Variants in CCDC180 observed in about 807,000 individuals in gnomAD.
CCDC180 encodes coiled-coil domain-containing protein 180.
In CCDC180, 154 loss-of-function variants were observed where a neutral mutation model predicts 209.2. The ratio of observed to expected loss-of-function variants is 0.74; its 90% confidence interval spans 0.65 to 0.84. The LOEUF (loss-of-function observed/expected upper bound fraction) is 0.84. CCDC180 is among the 40% of genes least tolerant of loss of function. CCDC180 has a pLI of 0.00. For synonymous variants in CCDC180, 778 were observed against 749.1 expected, an observed-to-expected ratio of 1.04 and a Z score of -0.63; for missense variants, 1,874 against 1,997.3, an observed-to-expected ratio of 0.94 and a Z score of 1.18.
In CCDC180 at chr9:97,377,140, G is replaced by T; in HGVS notation, c.*246G>T. On this transcript the variant is annotated 3_prime_UTR_variant, in exon 37 of 37. Transcript: ENST00000529487. ...TGGTTAGCAGGGAGGGTGAGTACCA[G>T]GAATCAGTCACTTCAAATAGGCACC... The T allele has an allele frequency of 3.1e-6, 1 of 317,816 alleles. No individual in the cohort carries two copies. 19.7% of individuals were successfully genotyped at this position (317,816 alleles called of 1,614,324 possible). A position where few individuals can be genotyped will look rare whatever the true frequency, so the allele number is the denominator to read the frequency against.
At chr9:97,313,176 G>A in intron 4 of CCDC180, 60 bp from the exon 5 acceptor site, 1 of 1,113,526 alleles carries the variant, frequency 9.0e-7, no homozygotes, top group Admixed American at 1.7e-5. Context: ...CTGTCTGCCT[G>A]TGCTGCCTTT....
In CCDC180 at chr9:97,354,720, C is replaced by T. The variant is rs1474367776; in HGVS notation, c.3147+7C>T. ...GAATGAGTACCTGGACCAGGTAGGG[C>T]CCCCAGCCAGGCCCCAGGCCAACCG... On this transcript the variant is annotated splice_region_variant and intron_variant, in intron 23 of 36. Coordinates refer to ENST00000529487, the MANE Select transcript of CCDC180 (RefSeq NM_020893.6). 1 of 1,613,992 alleles carries T rather than the reference C, an allele frequency of 6.2e-7. No homozygotes were observed. Among genetic ancestry groups the T allele is most frequent in the Middle Eastern group, 1.6e-4 (1 of 6,062 alleles).
chr9:97,370,860 C>T, intron 33 of CCDC180, 82 bp downstream of exon 33: 1 of 1,465,502 alleles, frequency 6.8e-7, no homozygotes, highest in Non-Finnish European at 9.2e-7. Flanking sequence ...CCAGGTGCAG[C>T]CCTTTCTTGG....
chr9:97,326,533 T>G, intron 14 of CCDC180, 21 bp from the exon 15 acceptor site: 1 of 1,440,196 alleles, frequency 6.9e-7, no homozygotes, highest in Non-Finnish European at 9.8e-7. Context: ...TGCTTCCTCT[T>G]GTTTTGGGGG....
At chr9:97,317,633 C>G (rs1476326937) in intron 9 of CCDC180, among the ~76,000 whole-genome samples, 1 of 152,198 alleles carries the variant, frequency 6.6e-6, no homozygotes, top group Non-Finnish European at 1.5e-5. Flanking sequence ...GGACATCCTT[C>G]AGGCAAACAC....
chr9:97,350,379 A>G (rs1826389782), intron 21 of CCDC180, 30 bp from the exon 22 acceptor site: 4 of 1,531,490 alleles, frequency 2.6e-6, no homozygotes, highest in South Asian at 2.4e-5. Context: ...GTCCCCCATC[A>G]CTGTCCTGTT....
chr9:97,324,049 C>T lies in CCDC180; in HGVS notation c.1371+146C>T, dbSNP rs1238203140. ...CTTGTCAGCCCCTCTCAGAGTAGCC[C>T]CCTTACGCTGGCCACTCCAAGCTCA... On this transcript the variant is annotated intron_variant, in intron 13 of 36. Coordinates refer to ENST00000529487, the MANE Select transcript of CCDC180 (RefSeq NM_020893.6). 1.1e-5 allele frequency: 11 copies of T among 958,494 alleles called. No homozygotes were observed. In the South Asian group the frequency reaches 1.7e-4, roughly 15 times the overall value. 59.4% of individuals were successfully genotyped at this position (958,494 alleles called of 1,614,324 possible).
Position 97,314,674 on chromosome 9 carries a change from G to T in CCDC180, c.645G>T (p.Glu215Asp). 1 of 1,614,074 alleles carries T rather than the reference G, an allele frequency of 6.2e-7. No homozygotes were observed. The highest frequency in any genetic ancestry group is 1.1e-5 in the South Asian group (1 of 91,082). ...VAGRLLLRKQ[E>D]IKELDEALHS... ...GGCGGTTACTGCTCCGGAAGCAGGA[G>T]ATTAAGGAGCTGGATGAGGCCCTGC... The change falls in exon 7 of 37, where the codon GAG becomes GAT. Residue 215 changes from glutamate to aspartate, a missense_variant. Physicochemically the swap from Glu to Asp is conservative, Grantham distance 45 (BLOSUM62 2). Coordinates refer to ENST00000529487, the MANE Select transcript of CCDC180 (RefSeq NM_020893.6).
chr9:97,346,104 C>G (rs1034704331), intron 19 of CCDC180, among the ~76,000 whole-genome samples: 7 of 152,098 alleles, frequency 4.6e-5, no homozygotes, highest in African/African-American at 1.7e-4. Context: ...CCAGTTGATC[C>G]TGGGTCACTT....
At position 97,343,406 on chromosome 9, in the gene CCDC180, A is replaced by G. The variant is rs763954621; in HGVS notation, c.2341A>G (p.Ser781Gly). 7.4e-6 allele frequency: 12 copies of G among 1,614,028 alleles called. No individual in the cohort carries two copies. Among genetic ancestry groups the G allele is most frequent in the Non-Finnish European group, 1.0e-5 (12 of 1,179,862 alleles). ...GGACATGGAGTCCTTCACAATCTCC[A>G]GTGGAAACACTTATTTTGTCTTTGT... ...YEDMESFTIS[S>G]GNTYFVFVPL... The change falls in exon 19 of 37, where the codon AGT becomes GGT. Residue 781 changes from serine (S) to glycine (G), a missense_variant. Coordinates refer to ENST00000529487, the MANE Select transcript of CCDC180 (RefSeq NM_020893.6).
intron 26 of CCDC180, among the ~76,000 whole-genome samples, chr9:97,360,863 A>G (rs1239490107): frequency 6.6e-6 from 1 of 152,166 alleles, no homozygotes; most frequent in Non-Finnish European, 1.5e-5. Context: ...TTGGGCTGAG[A>G]TGCTCAGCCA....
At chr9:97,357,977 C>G in intron 25 of CCDC180, 3 of 368,496 alleles carry the variant, frequency 8.1e-6, no homozygotes, top group Non-Finnish European at 9.7e-6. Flanking sequence ...TGGGGGAGGC[C>G]TGAGTCTGGC....
At chr9:97,314,155 C>T (rs1018023740) in intron 5 of CCDC180, among the ~76,000 whole-genome samples, 5 of 152,156 alleles carry the variant, frequency 3.3e-5, no homozygotes, top group South Asian at 2.1e-4. Flanking sequence ...AGGCTAGGCC[C>T]GATGTCAGCA....
intron 18 of CCDC180, among the ~76,000 whole-genome samples, chr9:97,331,910 C>G (rs1478094183): frequency 6.6e-6 from 1 of 152,168 alleles, no homozygotes; most frequent in South Asian, 2.1e-4. Flanking sequence ...TAATTAGGTC[C>G]ATTTGTCAAT....
intron 11 of CCDC180, among the ~76,000 whole-genome samples, chr9:97,322,328 A>G (rs963917940): frequency 6.6e-6 from 1 of 152,202 alleles, no homozygotes; most frequent in African/African-American, 2.4e-5. Flanking sequence ...CAGTTTCTAG[A>G]AATTGCCAGC....
chr9:97,330,766 A>G lies in CCDC180; in HGVS notation c.2273A>G (p.Glu758Gly). 6.3e-7 allele frequency: 1 copy of G among 1,593,660 alleles called. No homozygotes were observed. The highest frequency in any genetic ancestry group is 8.5e-7 in the Non-Finnish European group (1 of 1,176,684). The change falls in exon 18 of 37, where the codon GAG becomes GGG. Residue 758 changes from glutamate (E) to glycine (G), a missense_variant and splice_region_variant. Transcript: ENST00000529487. ...GAGCAAGAGAGTTTATCTGTGGGTG[A>G]GGTAAGCCAGCAACTGATTCATTCT... ...QEEQESLSVGEEEDKEEGLEE... is the reference protein window; with the variant it reads ...QEEQESLSVGGEEDKEEGLEE...
chr9:97,377,535 G>A lies in CCDC180; in HGVS notation c.*641G>A, dbSNP rs1253499020. Reference sequence around the variant, plus strand: ...AGCCTTCATTTGTCGGTAGCTGTGTGTGTCATCTGGACAGGTTTCCTCAGC... The same window carrying A: ...AGCCTTCATTTGTCGGTAGCTGTGTATGTCATCTGGACAGGTTTCCTCAGC... On this transcript the variant is annotated 3_prime_UTR_variant, in exon 37 of 37. Transcript: ENST00000529487. The A allele has an allele frequency of 6.6e-6, 1 of 152,228 alleles. No homozygotes were observed. Among genetic ancestry groups the A allele is most frequent in the African/African-American group, 2.4e-5 (1 of 41,434 alleles). 9.4% of individuals were successfully genotyped at this position (152,228 alleles called of 1,614,324 possible). A position where few individuals can be genotyped will look rare whatever the true frequency, so the allele number is the denominator to read the frequency against.
chr9:97,331,965 C>A (rs1825766790), intron 18 of CCDC180, among the ~76,000 whole-genome samples: 1 of 152,198 alleles, frequency 6.6e-6, no homozygotes, highest in Non-Finnish European at 1.5e-5. Flanking sequence ...ATCATGAAAT[C>A]TTTGCCAAGT....
Position 97,371,714 on chromosome 9 carries a change from G to C in CCDC180, c.4600+8G>C. On this transcript the variant is annotated splice_region_variant and intron_variant, in intron 34 of 36. Transcript: ENST00000529487. ...ACGATGTCCAGGTTGCAAGTAAGAGGCACCACCAGCCTTGTGTCATGGCCC... is the reference window on the plus strand; with the variant it reads ...ACGATGTCCAGGTTGCAAGTAAGAGCCACCACCAGCCTTGTGTCATGGCCC... The C allele has an allele frequency of 6.4e-7, 1 of 1,567,798 alleles. No homozygotes were observed. The highest frequency in any genetic ancestry group is 8.8e-7 in the Non-Finnish European group (1 of 1,142,130).
Sources: allele counts gnomAD v4.1 joint callset (sites outside exome capture counted in the v4.1 genomes callset), GRCh38; gene constraint gnomAD v4.1.1; transcripts MANE v1.5; gene names NCBI Gene and HGNC (gene_info 2026-07-23, HGNC 2026-07-21).